NCOA2: variants seen among roughly 807,000 people sequenced by gnomAD.
NCOA2 encodes the protein class E basic helix-loop-helix protein 75.
Under a neutral mutation model 145.1 loss-of-function variants are expected in NCOA2, and 21 were observed. The ratio of observed to expected loss-of-function variants is 0.14; its 90% CI spans 0.10 to 0.21. The LOEUF (loss-of-function observed/expected upper bound fraction) is 0.21, where lower values mean the gene tolerates loss of function less well. Among genes scored for constraint, NCOA2 ranks in the 10% least tolerant of loss-of-function variants. The pLI is 1.00. For missense variants in NCOA2, 1,472 were observed against 1,837.6 expected (o/e 0.80, Z 3.64); for synonymous variants, 619 against 637.5 (o/e 0.97, Z 0.44).
At chr8:70,345,355 A>AT (rs1181797778) in intron 1 of NCOA2, among the ~76,000 whole-genome samples, 2 of 152,218 alleles carry the variant, frequency 1.3e-5, no homozygotes, top group Admixed American at 1.3e-4. Context: ...TTTCAGAGAC[A>AT]TGTAATTTTT....
intron 10 of NCOA2, among the ~76,000 whole-genome samples, chr8:70,158,401 A>G (rs1212483239): frequency 6.6e-6 from 1 of 152,240 alleles, no homozygotes; most frequent in Non-Finnish European, 1.5e-5. Context: ...TTAAAAATCA[A>G]TATTCAATTT....
intron 2 of NCOA2, among the ~76,000 whole-genome samples, chr8:70,271,589 A>G (rs889905149): frequency 1.5e-4 from 23 of 152,214 alleles, no homozygotes; most frequent in African/African-American, 5.1e-4. Context: ...AACTACAGTG[A>G]TTAAATGCTT....
At chr8:70,371,041 A>G (rs1811166149) in intron 1 of NCOA2, among the ~76,000 whole-genome samples, 1 of 152,180 alleles carries the variant, frequency 6.6e-6, no homozygotes, top group African/African-American at 2.4e-5. Context: ...TAATCCCAGC[A>G]CTTTGGGAGG....
At chr8:70,126,766 T>TG (rs1808463094) in intron 19 of NCOA2, 47 bp downstream of exon 19, 1 of 1,504,478 alleles carries the variant, frequency 6.6e-7, no homozygotes, top group Non-Finnish European at 9.2e-7. Flanking sequence ...TGGGGGACAC[T>TG]GGGGAGAAAG....
At chr8:70,383,036 A>C (rs1017190832) in intron 1 of NCOA2, among the ~76,000 whole-genome samples, 12 of 152,224 alleles carry the variant, frequency 7.9e-5, no homozygotes, top group Admixed American at 7.8e-4. Flanking sequence ...AGAAAATGGT[A>C]GAAAGTCAAT....
intron 4 of NCOA2, among the ~76,000 whole-genome samples, chr8:70,188,788 CAGAAACTTACA>C (rs1013983540): frequency 6.6e-6 from 1 of 152,080 alleles, no homozygotes; most frequent in African/African-American, 2.4e-5. Flanking sequence ...GAAATGGAAT[CAGAAACTTACA>C]AGAAAGAAAA....
chr8:70,153,681 G>C (rs970637844), intron 11 of NCOA2, among the ~76,000 whole-genome samples: 1 of 152,166 alleles, frequency 6.6e-6, no homozygotes. Context: ...TAGCTGTGTA[G>C]ATTCTAATCT....
At chr8:70,405,877 T>C (rs1437821261), upstream of NCOA2, among the ~76,000 whole-genome samples, 3 of 151,916 alleles carry the variant, frequency 2.0e-5, no homozygotes, top group African/African-American at 7.3e-5. Context: ...GGCTGAAGAC[T>C]TTTTCTTACA....
intron 10 of NCOA2, among the ~76,000 whole-genome samples, chr8:70,158,597 G>A (rs1452133188): frequency 1.3e-5 from 2 of 152,132 alleles, no homozygotes; most frequent in African/African-American, 4.8e-5. Flanking sequence ...GGAGGCCAAG[G>A]TGGAAGGATC....
chr8:70,262,941 AATT>A (rs1234480458), intron 2 of NCOA2, among the ~76,000 whole-genome samples: 1 of 152,056 alleles, frequency 6.6e-6, no homozygotes, highest in Non-Finnish European at 1.5e-5. Context: ...AATAAAATAG[AATT>A]ATAACAATAT....
intron 2 of NCOA2, among the ~76,000 whole-genome samples, chr8:70,242,483 A>G (rs541112821): frequency 5.9e-5 from 9 of 152,262 alleles, no homozygotes; most frequent in South Asian, 2.1e-4. Flanking sequence ...TAAAAAATGC[A>G]AAGTCTTACC....
At chr8:70,422,039 G>C in the NCOA2 span, among the ~76,000 whole-genome samples, 10 of 151,802 alleles carry the variant, frequency 6.6e-5, no homozygotes, top group Non-Finnish European at 1.5e-4. Context: ...AGGTTGCATT[G>C]AGCTGAGATT....
chr8:70,222,755 A>G (rs1787790559), intron 2 of NCOA2, among the ~76,000 whole-genome samples: 1 of 152,240 alleles, frequency 6.6e-6, no homozygotes, highest in Non-Finnish European at 1.5e-5. Flanking sequence ...TTGCTGCAAC[A>G]TATCCATCAT....
At chr8:70,377,184 A>G (rs1811760492) in intron 1 of NCOA2, among the ~76,000 whole-genome samples, 2 of 152,058 alleles carry the variant, frequency 1.3e-5, no homozygotes, top group Non-Finnish European at 2.9e-5. Context: ...CAAAATGAAA[A>G]AAATGAATGA....
At chr8:70,387,451 T>C (rs1253142574) in intron 1 of NCOA2, among the ~76,000 whole-genome samples, 1 of 152,242 alleles carries the variant, frequency 6.6e-6, no homozygotes, top group East Asian at 1.9e-4. Flanking sequence ...AATCACTTCA[T>C]ACGTCTCAGA....
rs1374717617 is a variant in NCOA2, at chr8:70,403,030, G to T, written c.-77+670C>A. Among the ~76,000 whole-genome samples, 45 of 143,364 alleles carry T rather than the reference G, an allele frequency of 3.1e-4. No individual in the cohort carries two copies. In the South Asian group the frequency reaches 9.7e-3, roughly 31 times the overall value. The allele number at this position is 143,364 out of a possible 152,430, so 94.1% of individuals were successfully genotyped here. On this transcript the variant is annotated intron_variant, in intron 1 of 22. Coordinates refer to ENST00000452400, the MANE Select transcript of NCOA2 (RefSeq NM_006540.4). ...GGGCCCGGGCCACCCGCCGGGCCGCGGCTCCCCTTCCCCGCCCCGCGCTGC... is the reference window on the plus strand; with the variant it reads ...GGGCCCGGGCCACCCGCCGGGCCGCTGCTCCCCTTCCCCGCCCCGCGCTGC...
chr8:70,199,786 C>T (rs1817699386), intron 4 of NCOA2, among the ~76,000 whole-genome samples: 1 of 152,170 alleles, frequency 6.6e-6, no homozygotes, highest in African/African-American at 2.4e-5. Flanking sequence ...CCTCTGTTAG[C>T]TGTAGGCTAA....
At chr8:70,313,690 C>T (rs915516569) in intron 1 of NCOA2, among the ~76,000 whole-genome samples, 7 of 152,104 alleles carry the variant, frequency 4.6e-5, no homozygotes, top group East Asian at 1.9e-4. Flanking sequence ...GGTACACACA[C>T]GAAAAAATTT....
At chr8:70,192,221 TTTG>T (rs1816770164) in intron 4 of NCOA2, among the ~76,000 whole-genome samples, 3 of 152,222 alleles carry the variant, frequency 2.0e-5, no homozygotes, top group African/African-American at 7.2e-5. Flanking sequence ...CTTATTTTAC[TTTG>T]TTATTACAGT....
Sources: allele counts gnomAD v4.1 joint callset (sites outside exome capture counted in the v4.1 genomes callset), GRCh38; gene constraint gnomAD v4.1.1; transcripts MANE v1.5; gene names NCBI Gene and HGNC (gene_info 2026-07-23, HGNC 2026-07-21).